SKIL: variants seen among roughly 807,000 people sequenced by gnomAD.
SKIL encodes SKI like proto-oncogene, also known as ski-like protein.
A neutral mutation model predicts 69.6 loss-of-function variants in SKIL; 20 were observed. The observed-to-expected ratio is 0.29, with a 90% CI of 0.20 to 0.42. The LOEUF is 0.42. SKIL is among the 10% of genes least tolerant of loss of function. The pLI is 1.00. For synonymous variants in SKIL, 310 were observed against 279.9 expected, an observed-to-expected ratio of 1.11 and a Z score of -1.08; for missense variants, 745 against 783.1, an observed-to-expected ratio of 0.95 and a Z score of 0.58.
At chr3:170,392,219 C>G (rs778172409) in intron 6 of SKIL, 40 bp from the exon 7 acceptor site, 2 of 1,510,414 alleles carry the variant, frequency 1.3e-6, no homozygotes, top group South Asian at 1.3e-5. Context: ...AATGGAAAAA[C>G]AAAACAATTA....
At chr3:170,365,880 C>T (rs1736481632) in intron 2 of SKIL, among the ~76,000 whole-genome samples, 1 of 151,596 alleles carries the variant, frequency 6.6e-6, no homozygotes, top group South Asian at 2.1e-4. Flanking sequence ...CTCAGCCTCC[C>T]AAGTAGCTGC....
chr3:170,358,818 G>A (rs1288918292), intron 1 of SKIL, among the ~76,000 whole-genome samples: 1 of 152,160 alleles, frequency 6.6e-6, no homozygotes, highest in Non-Finnish European at 1.5e-5. Flanking sequence ...TCTTGTTGAA[G>A]GATGGAGATT....
intron 2 of SKIL, among the ~76,000 whole-genome samples, chr3:170,366,074 A>ACT (rs1736497000): frequency 2.3e-5 from 3 of 131,378 alleles, no homozygotes; most frequent in Non-Finnish European, 4.8e-5. Flanking sequence ...TTTTTTTTTT[A>ACT]AGACTGTACT....
rs558368862 is a variant in SKIL at position 170,388,456 on chromosome 3, T to C, written c.1430-1767T>C. On this transcript the variant is annotated intron_variant, in intron 4 of 6. Coordinates refer to ENST00000259119, the MANE Select transcript of SKIL (RefSeq NM_005414.5). ...TTTCTTTTTACTTTCTTGTTAGTGT[T>C]CTTTTTTTTTTCCTGAGACAAAGTC... 2.6e-5 allele frequency among the ~76,000 whole-genome samples: 4 copies of C among 152,262 alleles called. No homozygotes were observed. In the East Asian group the frequency reaches 7.7e-4, roughly 29 times the overall value.
At chr3:170,366,672 A>AACACACACACACAC (rs778933453) in intron 2 of SKIL, among the ~76,000 whole-genome samples, 6 of 112,464 alleles carry the variant, frequency 5.3e-5, no homozygotes, top group African/African-American at 1.7e-4. Context: ...TCTGTCTCAA[A>AACACACACACACAC]ACACACACAC....
intron 4 of SKIL, 37 bp downstream of exon 4, chr3:170,384,802 T>C (rs1015442699): frequency 9.3e-7 from 1 of 1,069,996 alleles, no homozygotes; most frequent in Non-Finnish European, 1.4e-6. Flanking sequence ...AAATTAAATA[T>C]CTAATGAACA....
In SKIL at chr3:170,394,481, C is replaced by G. The variant is rs941356388; in HGVS notation, c.*2064C>G. The G allele has an allele frequency of 3.3e-5, 5 of 152,222 alleles. No individual in the cohort carries two copies. The highest frequency in any genetic ancestry group is 3.3e-4 in the Admixed American group (5 of 15,280). 9.4% of individuals were successfully genotyped at this position (152,222 alleles called of 1,614,324 possible). On this transcript the variant is annotated 3_prime_UTR_variant, in exon 7 of 7. Transcript: ENST00000259119. The stretch of plus-strand genomic sequence containing the variant: ...ATTTATATTTCTAATTCACTTGGAA[C>G]CTTTCTGCTTTATGTTACCTAGAAA...
chr3:170,376,378 AGAAT>A (rs1389218902), intron 2 of SKIL, among the ~76,000 whole-genome samples: 7 of 152,178 alleles, frequency 4.6e-5, no homozygotes, highest in Admixed American at 2.0e-4. Context: ...CTGATTTGTT[AGAAT>A]GAACTTATCC....
intron 4 of SKIL, 139 bp from the exon 5 acceptor site, chr3:170,390,084 G>A (rs1361829901): frequency 2.1e-5 from 14 of 659,960 alleles, no homozygotes; most frequent in Non-Finnish European, 3.3e-5. Context: ...CACTGCTTTT[G>A]TTAAATTTAT....
intron 6 of SKIL, among the ~76,000 whole-genome samples, 159 bp from the exon 7 acceptor site, chr3:170,392,100 C>T (rs1560223065): frequency 6.6e-6 from 1 of 152,070 alleles, no homozygotes; most frequent in Admixed American, 6.6e-5. Context: ...AGTGTCCTGT[C>T]AGATGTCAGA....
At chr3:170,362,219 C>T (rs1736278127) in intron 2 of SKIL, among the ~76,000 whole-genome samples, 2 of 152,098 alleles carry the variant, frequency 1.3e-5, no homozygotes, top group Admixed American at 6.6e-5. Flanking sequence ...AATATAAAAA[C>T]CTGCCGGGCT....
intron 4 of SKIL, among the ~76,000 whole-genome samples, chr3:170,389,606 G>C (rs556900791): frequency 6.6e-6 from 1 of 152,072 alleles, no homozygotes; most frequent in Non-Finnish European, 1.5e-5. Context: ...GAGCCACCGC[G>C]CCTGGCCAGA....
Position 170,381,267 on chromosome 3 carries a change from A to G in SKIL, c.1122A>G (p.Glu374=), listed in dbSNP as rs1481046271. The G allele has an allele frequency of 1.3e-6, 2 of 1,590,348 alleles. No homozygotes were observed. Among genetic ancestry groups the G allele is most frequent in the South Asian group, 1.1e-5 (1 of 90,562 alleles). Residue 374 remains glutamate (E), a synonymous_variant, in exon 3 of 7, where the codon GAA becomes GAG. Transcript: ENST00000259119. ...AGACAGATGCACCATCAGGAATGGA[A>G]TTACAGTCATGGTATCCTGTTATAA... is the stretch of plus-strand genomic sequence containing the variant. ...QSKTDAPSGM[E]LQSWYPVIKQ...
chr3:170,365,752 C>CTTTTATTTTTTT (rs1736468496), intron 2 of SKIL, among the ~76,000 whole-genome samples: 1 of 106,498 alleles, frequency 9.4e-6, no homozygotes, highest in African/African-American at 4.0e-5. Context: ...TCAAACTAGG[C>CTTTTATTTTTTT]TTTTTTTTTT....
chr3:170,360,243 T>C lies in SKIL; in HGVS notation c.-89T>C, dbSNP rs1736155148. On this transcript the variant is annotated 5_prime_UTR_variant, in exon 2 of 7. Transcript: ENST00000259119. The stretch of plus-strand genomic sequence containing the variant: ...TTGAGAGTAAGTTACGATAGGCATT[T>C]GTATCCATTCATTACTTTCCTCTTT... 8.0e-7 allele frequency: 1 copy of C among 1,252,822 alleles called. No individual in the cohort carries two copies. The highest frequency in any genetic ancestry group is 1.5e-5 in the African/African-American group (1 of 66,818). 77.6% of individuals were successfully genotyped at this position (1,252,822 alleles called of 1,614,324 possible).
chr3:170,364,097 C>T (rs1736376731), intron 2 of SKIL, among the ~76,000 whole-genome samples: 6 of 151,894 alleles, frequency 4.0e-5, no homozygotes, highest in Admixed American at 3.9e-4. Context: ...ACTTCAGGCG[C>T]CCACCGCCAT....
At chr3:170,376,432 G>A (rs1407187292) in intron 2 of SKIL, among the ~76,000 whole-genome samples, 1 of 152,118 alleles carries the variant, frequency 6.6e-6, no homozygotes, top group African/African-American at 2.4e-5. Flanking sequence ...GAGCTGGGGT[G>A]CAAAATGTTC....
At chr3:170,365,698 G>A (rs894718021) in intron 2 of SKIL, among the ~76,000 whole-genome samples, 4 of 150,008 alleles carry the variant, frequency 2.7e-5, no homozygotes, top group Admixed American at 2.7e-4. Context: ...TGAGTTGGTT[G>A]CCAAACAAGC....
chr3:170,365,515 C>G (rs1295358892), intron 2 of SKIL, among the ~76,000 whole-genome samples: 1 of 152,090 alleles, frequency 6.6e-6, no homozygotes, highest in African/African-American at 2.4e-5. Flanking sequence ...CTGAAAAAAT[C>G]AGAAATTCAA....
Sources: gnomAD v4.1 joint callset for allele counts (sites outside exome capture counted in the v4.1 genomes callset) on GRCh38, gnomAD v4.1.1 for gene constraint, MANE v1.5 for transcripts, NCBI Gene and HGNC (gene_info 2026-07-23, HGNC 2026-07-21) for gene names.